The following ANO3 variants were observed in gnomAD, a reference collection of about 807,000 sequenced individuals.
ANO3 encodes the protein anoctamin-3.
In ANO3, 99 loss-of-function variants were observed where a neutral mutation model predicts 144.8. The observed-to-expected ratio is 0.68, with a 90% confidence interval of 0.58 to 0.81. The LOEUF is 0.81. Among genes scored for constraint, ANO3 ranks in the 30% least tolerant of loss-of-function variants. ANO3 has a pLI of 0.00. For synonymous variants in ANO3, 414 were observed against 392.6 expected (o/e 1.05, Z -0.64); for missense variants, 905 against 1,202.2 (o/e 0.75, Z 3.66).
chr11:26,333,743 G>A (rs1490931689), intron 1 of ANO3, among the ~76,000 whole-genome samples: 1 of 152,210 alleles, frequency 6.6e-6, no homozygotes, highest in Non-Finnish European at 1.5e-5. Flanking sequence ...TCAAATATAT[G>A]TTGAAATTGG....
intron 1 of ANO3, among the ~76,000 whole-genome samples, chr11:26,426,138 G>A (rs55740663): frequency 0.053 from 8,010 of 152,048 alleles, 252 homozygotes; most frequent in African/African-American, 0.081. Context: ...CTCAGTACTC[G>A]CAAATCAATA....
chr11:26,474,154 G>A (rs1859876425), intron 4 of ANO3: 1 of 945,430 alleles, frequency 1.1e-6, no homozygotes, highest in South Asian at 4.9e-5. Context: ...CATCAATCTA[G>A]GAATTCTATA....
At chr11:26,459,377 G>A (rs1037542021) in intron 3 of ANO3, among the ~76,000 whole-genome samples, 7 of 152,058 alleles carry the variant, frequency 4.6e-5, no homozygotes, top group Non-Finnish European at 1.0e-4. Flanking sequence ...TTGGAGAATC[G>A]AATGGACTTC....
intron 5 of ANO3, among the ~76,000 whole-genome samples, chr11:26,511,290 A>G (rs1035931372): frequency 1.3e-5 from 2 of 152,202 alleles, no homozygotes; most frequent in Non-Finnish European, 2.9e-5. Context: ...TTAGTTTTGA[A>G]GCCGAGTTGG....
rs1210906818 is a variant in ANO3, at chr11:26,354,818, G to A, written c.46+22497G>A. ...TATTTTCATATTAAAATTGTTTAAT[G>A]TATAGTCAAATAGAAGTCAGGTGGT... is the stretch of plus-strand genomic sequence containing the variant. On this transcript the variant is annotated intron_variant, in intron 1 of 26. Transcript: ENST00000256737. Among the ~76,000 whole-genome samples, 4 of 151,908 alleles carry A rather than the reference G, an allele frequency of 2.6e-5. No individual in the cohort carries two copies. In the East Asian group the frequency reaches 5.8e-4, roughly 22 times the overall value.
chr11:26,446,603 A>C (rs7127048), intron 3 of ANO3, among the ~76,000 whole-genome samples: 24,045 of 152,198 alleles, frequency 0.16, 2,049 homozygotes, highest in South Asian at 0.28. Context: ...ATATCATGAA[A>C]AAAATGTTAT....
chr11:26,537,376 T>C, intron 9 of ANO3, 30 bp from the exon 10 acceptor site: 3 of 1,559,798 alleles, frequency 1.9e-6, no homozygotes, highest in Non-Finnish European at 2.7e-6. Flanking sequence ...TGAAACTAAC[T>C]CAATAACTGT....
intron 1 of ANO3, among the ~76,000 whole-genome samples, chr11:26,254,911 T>G (rs1191022007): frequency 2.6e-5 from 4 of 152,176 alleles, no homozygotes. Context: ...CATTTGAGAT[T>G]GTCCTCAATA....
chr11:26,540,611 AT>A (rs1849618536), intron 10 of ANO3, among the ~76,000 whole-genome samples: 1 of 152,196 alleles, frequency 6.6e-6, no homozygotes, highest in Non-Finnish European at 1.5e-5. Flanking sequence ...AAGAAAAAAA[AT>A]AACCCCATCA....
intron 1 of ANO3, chr11:26,208,471 C>A: frequency 6.6e-6 from 1 of 151,272 alleles, no homozygotes. Context: ...CAAGATCACA[C>A]CACTGCACTC....
intron 1 of ANO3, among the ~76,000 whole-genome samples, chr11:26,193,080 G>GC (rs1256320500): frequency 4.0e-5 from 6 of 149,614 alleles, no homozygotes; most frequent in African/African-American, 4.9e-5. Flanking sequence ...CCCTGCCGTT[G>GC]CCCCCCACCC....
chr11:26,583,463 G>C (rs572341361), intron 14 of ANO3, among the ~76,000 whole-genome samples: 2 of 152,348 alleles, frequency 1.3e-5, no homozygotes, highest in Admixed American at 6.5e-5. Flanking sequence ...ACCAGTTCCA[G>C]ATATTGCGCT....
At chr11:26,301,168 T>TTCCAC (rs370442598) in intron 1 of ANO3, among the ~76,000 whole-genome samples, 4,463 of 142,590 alleles carry the variant, frequency 0.031, 356 homozygotes, top group African/African-American at 0.083. Flanking sequence ...CTTTCTTAAT[T>TTCCAC]GCCTCTTCAT....
chr11:26,565,948 T>C, intron 14 of ANO3: 2 of 1,413,208 alleles, frequency 1.4e-6, no homozygotes, highest in Non-Finnish European at 1.9e-6. Context: ...ACTCTGAGTT[T>C]TTAAATGGAT....
At chr11:26,267,770 A>G (rs1412566594) in intron 1 of ANO3, among the ~76,000 whole-genome samples, 1 of 152,028 alleles carries the variant, frequency 6.6e-6, no homozygotes, top group Non-Finnish European at 1.5e-5. Flanking sequence ...TTGTGCACTT[A>G]TTTACATAAT....
Position 26,531,291 on chromosome 11 carries a change from A to G in ANO3, c.824A>G (p.Glu275Gly). The change falls in exon 8 of 27, where the codon GAG (glutamate) becomes GGG (glycine). Residue 275 changes from glutamate to glycine, a missense_variant. Physicochemically the swap from Glu to Gly is moderately conservative, Grantham distance 98. This residue lies in a region of ANO3 where 71 missense variants were observed against 57.9 expected (regional missense o/e 1.23). Transcript: ENST00000256737. ...AAGTCAGCTTTTCCAGACCTAGAGG[A>G]GTCAGACTGCTATACTGGCCCCTTC... ...LDKSAFPDLEESDCYTGPFSR... is the reference protein window; with the variant it reads ...LDKSAFPDLEGSDCYTGPFSR... The G allele has an allele frequency of 1.2e-6, 2 of 1,613,988 alleles. No individual in the cohort carries two copies. The highest frequency in any genetic ancestry group is 2.7e-5 in the African/African-American group (2 of 75,016).
intron 1 of ANO3, among the ~76,000 whole-genome samples, chr11:26,217,689 A>G (rs1303277854): frequency 1.3e-5 from 2 of 152,126 alleles, no homozygotes; most frequent in African/African-American, 4.8e-5. Flanking sequence ...ATATGTTCTA[A>G]AAGTATTTGA....
chr11:26,397,162 T>C (rs1478668836), intron 1 of ANO3, among the ~76,000 whole-genome samples: 2 of 142,506 alleles, frequency 1.4e-5, no homozygotes, highest in African/African-American at 5.4e-5. Context: ...TTCAAGCTAA[T>C]CGCAAGGACT....
intron 4 of ANO3, among the ~76,000 whole-genome samples, chr11:26,484,205 G>T (rs904293481): frequency 2.6e-5 from 4 of 152,186 alleles, no homozygotes; most frequent in Non-Finnish European, 5.9e-5. Context: ...TTTGCAGCCT[G>T]ACTGTGGTAG....
Sources: allele counts gnomAD v4.1 joint callset (sites outside exome capture counted in the v4.1 genomes callset), GRCh38; gene constraint gnomAD v4.1.1; regional missense constraint gnomAD v4.1.1; transcripts MANE v1.5; gene names NCBI Gene and HGNC (gene_info 2026-07-23, HGNC 2026-07-21).